Variants in RIMBP2 observed in about 807,000 individuals in gnomAD.
RIMBP2 encodes the protein RIMS-binding protein 2.
In RIMBP2, 48 loss-of-function variants were observed where a neutral mutation model predicts 118.6. The observed-to-expected ratio is 0.40, with a 90% CI of 0.32 to 0.51. The LOEUF (loss-of-function observed/expected upper bound fraction) is 0.51. Among genes scored for constraint, RIMBP2 ranks in the 20% least tolerant of loss-of-function variants. The pLI, the probability that RIMBP2 is intolerant of heterozygous loss-of-function variation, is 0.41. For missense variants in RIMBP2, 1,551 were observed against 1,768.3 expected, an observed-to-expected ratio of 0.88 and a Z score of 2.20; for synonymous variants, 762 against 742.9, an observed-to-expected ratio of 1.03 and a Z score of -0.42.
At chr12:130,439,281 G>C (rs917829104) in intron 11 of RIMBP2, among the ~76,000 whole-genome samples, 10 of 151,900 alleles carry the variant, frequency 6.6e-5, no homozygotes, top group Non-Finnish European at 1.2e-4. Context: ...TATGTACATT[G>C]TGTGTGTATA....
chr12:130,404,293 A>G (rs757063773), intron 21 of RIMBP2, among the ~76,000 whole-genome samples: 2 of 152,178 alleles, frequency 1.3e-5, no homozygotes, highest in Non-Finnish European at 2.9e-5. Context: ...AATAAGATCT[A>G]TATAATTCCT....
In RIMBP2 at chr12:130,651,755, A is replaced by G. The variant is rs1273569728; in HGVS notation, c.-351-23299T>C. On this transcript the variant is annotated intron_variant, in intron 1 of 22. Coordinates refer to ENST00000690449, the MANE Select transcript of RIMBP2 (RefSeq NM_001393629.1). ...CATTCATGAATTTAACACATTTCACATTATGAATTTGTGCTTGGAATTTAA... is the reference window on the plus strand; with the variant it reads ...CATTCATGAATTTAACACATTTCACGTTATGAATTTGTGCTTGGAATTTAA... Among the ~76,000 whole-genome samples, 4 of 152,246 alleles carry G rather than the reference A, an allele frequency of 2.6e-5. No homozygotes were observed. The East Asian group carries it at 7.7e-4, about 29-fold the overall frequency.
At chr12:130,572,277 T>C (rs2057732963) in intron 2 of RIMBP2, among the ~76,000 whole-genome samples, 1 of 119,920 alleles carries the variant, frequency 8.3e-6, no homozygotes, top group African/African-American at 2.6e-5. Flanking sequence ...CTTGGACACA[T>C]CAGCAAAAGA....
intron 2 of RIMBP2, among the ~76,000 whole-genome samples, chr12:130,535,122 C>T (rs748181346): frequency 3.9e-5 from 6 of 152,220 alleles, no homozygotes; most frequent in African/African-American, 7.2e-5. Flanking sequence ...GCAAGGGCTC[C>T]GGAGTGTTTC....
At chr12:130,500,819 CCA>C (rs2049690908) in intron 4 of RIMBP2, among the ~76,000 whole-genome samples, 1 of 152,132 alleles carries the variant, frequency 6.6e-6, no homozygotes, top group African/African-American at 2.4e-5. Flanking sequence ...AGAACGGTGG[CCA>C]CAGGATTTGG....
rs1282945982 is a variant in RIMBP2 at position 130,688,033 on chromosome 12, C to G, written c.-352+28189G>C. Among the ~76,000 whole-genome samples, 1 of 152,216 alleles carries G rather than the reference C, an allele frequency of 6.6e-6. No homozygotes were observed. The highest frequency in any genetic ancestry group is 1.9e-4 in the East Asian group (1 of 5,196). ...GACAATCTCGGCCAACAGCTCAGAT[C>G]AACTATTGTTAAAATTCGTACTGTG... On this transcript the variant is annotated intron_variant, in intron 1 of 22. Transcript: ENST00000690449. This position sits in a 1 kb window ranked among gnomAD's most constrained non-coding sequence, Gnocchi z 4.7.
intron 1 of RIMBP2, among the ~76,000 whole-genome samples, chr12:130,635,201 G>C (rs1273583247): frequency 6.6e-6 from 1 of 152,170 alleles, no homozygotes; most frequent in East Asian, 1.9e-4. Context: ...CACTGCATGG[G>C]CTGCTGGTTA....
intron 2 of RIMBP2, among the ~76,000 whole-genome samples, chr12:130,565,165 G>A (rs979812476): frequency 1.3e-5 from 2 of 152,100 alleles, no homozygotes; most frequent in Non-Finnish European, 2.9e-5. Context: ...ACCCAGGCTA[G>A]AGTGCATGGT....
chr12:130,456,717 G>C lies in RIMBP2; in HGVS notation c.154-17C>G. 1 of 1,584,084 alleles carries C rather than the reference G, an allele frequency of 6.3e-7. No homozygotes were observed. Among genetic ancestry groups the C allele is most frequent in the Non-Finnish European group, 8.6e-7 (1 of 1,159,338 alleles). On this transcript the variant is annotated splice_polypyrimidine_tract_variant and intron_variant, in intron 6 of 22. Coordinates refer to ENST00000690449, the MANE Select transcript of RIMBP2 (RefSeq NM_001393629.1). ...AACCTTGGACTGCACGGCAGAAGCA[G>C]GACAGGGGGTCAGCGGTGGCATTTG...
rs1337695809 is a variant in RIMBP2, at chr12:130,469,504, G to T, written c.153+1189C>A. Among the ~76,000 whole-genome samples, 2 of 152,142 alleles carry T rather than the reference G, an allele frequency of 1.3e-5. No individual in the cohort carries two copies. The highest frequency in any genetic ancestry group is 2.9e-5 in the Non-Finnish European group (2 of 68,032). Reference sequence around the variant, plus strand: ...CAGGGAAAGTGAATTATTTTCCAGGGAGATAAATGGCCATTTGGAGGTCTG... The same window carrying T: ...CAGGGAAAGTGAATTATTTTCCAGGTAGATAAATGGCCATTTGGAGGTCTG... On this transcript the variant is annotated intron_variant, in intron 6 of 22. Coordinates refer to ENST00000690449, the MANE Select transcript of RIMBP2 (RefSeq NM_001393629.1). The surrounding 1 kb of genome is among the most constrained non-coding windows in gnomAD (Gnocchi z 4.8).
At chr12:130,612,820 A>G (rs1469768261) in intron 2 of RIMBP2, among the ~76,000 whole-genome samples, 2 of 152,162 alleles carry the variant, frequency 1.3e-5, no homozygotes, top group Non-Finnish European at 2.9e-5. Flanking sequence ...GAAGCAAGGT[A>G]CACAGCCTGC....
At chr12:130,534,881 A>G (rs1254699982) in intron 2 of RIMBP2, among the ~76,000 whole-genome samples, 2 of 152,228 alleles carry the variant, frequency 1.3e-5, no homozygotes, top group Non-Finnish European at 2.9e-5. Flanking sequence ...GAAACGGTCT[A>G]TCACTCAGCT....
At chr12:130,462,855 CTGCTGTGAGACT>C (rs1203328355) in intron 6 of RIMBP2, among the ~76,000 whole-genome samples, 2 of 152,256 alleles carry the variant, frequency 1.3e-5, no homozygotes, top group Non-Finnish European at 2.9e-5. Context: ...ATGGGAGAAT[CTGCTGTGAGACT>C]TGCTTTCCTT....
rs2061359233 is a variant in RIMBP2, at chr12:130,622,202, T to C, written c.-217+6120A>G. Among the ~76,000 whole-genome samples the C allele has an allele frequency of 6.6e-6, 1 of 152,168 alleles. No homozygotes were observed. The highest frequency in any genetic ancestry group is 1.5e-5 in the Non-Finnish European group (1 of 68,048). On this transcript the variant is annotated intron_variant, in intron 2 of 22. Coordinates refer to ENST00000690449, the MANE Select transcript of RIMBP2 (RefSeq NM_001393629.1). This position sits in a 1 kb window ranked among gnomAD's most constrained non-coding sequence, Gnocchi z 8.5. Reference sequence around the variant, plus strand: ...TGTTTGTTTCAGGTTGGATCCTGGGTAACAGGCAGGGCCTGTGGCTGACTG... The same window carrying C: ...TGTTTGTTTCAGGTTGGATCCTGGGCAACAGGCAGGGCCTGTGGCTGACTG...
chr12:130,436,868 C>T lies in RIMBP2; in HGVS notation c.2080G>A (p.Ala694Thr), dbSNP rs760509267. The stretch of plus-strand genomic sequence containing the variant: ...CTGCTGCTCTCGGCCACCCTCTGCG[C>T]GGCCTCCCGGGCCATGGCCTTGGCG... ...TVAKAMAREA[A>T]QRVAESSRLE... Residue 694 changes from alanine to threonine, a missense_variant, in exon 13 of 23, where the codon GCG becomes ACG. By Grantham distance (58) the Ala-to-Thr change is moderately conservative. This residue lies in a region of RIMBP2 where 1,038 missense variants were observed against 1,125.1 expected (regional missense o/e 0.92). Coordinates refer to ENST00000690449, the MANE Select transcript of RIMBP2 (RefSeq NM_001393629.1). 5.2e-6 allele frequency: 8 copies of T among 1,525,228 alleles called. No individual in the cohort carries two copies. The African/African-American group carries it at 7.0e-5, about 13-fold the overall frequency. 94.5% of individuals were successfully genotyped at this position (1,525,228 alleles called of 1,614,324 possible). A position where few individuals can be genotyped will look rare whatever the true frequency, so the allele number is the denominator to read the frequency against.
intron 1 of RIMBP2, among the ~76,000 whole-genome samples, chr12:130,664,511 G>A (rs1416127287): frequency 6.2e-5 from 9 of 144,590 alleles, no homozygotes; most frequent in Admixed American, 2.8e-4. Flanking sequence ...TGGCTCTGTC[G>A]ACTACAGGAC....
At chr12:130,613,518 G>A (rs1044070327) in intron 2 of RIMBP2, among the ~76,000 whole-genome samples, 8 of 152,042 alleles carry the variant, frequency 5.3e-5, no homozygotes, top group Non-Finnish European at 7.4e-5. Flanking sequence ...TCCTTTCTTC[G>A]GTAAAGATTC....
In RIMBP2 at chr12:130,447,012, A is replaced by G. The variant is rs1188973012; in HGVS notation, c.582-1743T>C. Among the ~76,000 whole-genome samples the G allele has an allele frequency of 8.3e-6, 1 of 121,022 alleles. No individual in the cohort carries two copies. Among genetic ancestry groups the G allele is most frequent in the African/African-American group, 3.3e-5 (1 of 30,648 alleles). The allele number at this position is 121,022 out of a possible 152,430, so 79.4% of individuals were successfully genotyped here. On this transcript the variant is annotated intron_variant, in intron 9 of 22. Transcript: ENST00000690449. The surrounding 1 kb of genome is among the most constrained non-coding windows in gnomAD (Gnocchi z 4.4). Reference sequence around the variant, plus strand: ...TCACTGAGTGGGGGTTTTCAGGGGGATCTGCAGGGGGGTCTGGATGGGTAG... The same window carrying G: ...TCACTGAGTGGGGGTTTTCAGGGGGGTCTGCAGGGGGGTCTGGATGGGTAG...
intron 1 of RIMBP2, among the ~76,000 whole-genome samples, chr12:130,665,873 G>T (rs2063894989): frequency 6.6e-6 from 1 of 152,128 alleles, no homozygotes; most frequent in Non-Finnish European, 1.5e-5. Context: ...CTGTGGTTTT[G>T]TAAGGAATGT....
Sources: allele counts gnomAD v4.1 joint callset (sites outside exome capture counted in the v4.1 genomes callset), GRCh38; gene constraint gnomAD v4.1.1; regional missense constraint gnomAD v4.1.1; non-coding constraint Gnocchi (gnomAD v3.1); transcripts MANE v1.5; gene names NCBI Gene and HGNC (gene_info 2026-07-23, HGNC 2026-07-21).